The following KCNIP4 variants were observed in gnomAD, a reference collection of about 807,000 sequenced individuals.
KCNIP4 encodes the protein Kv channel-interacting protein 4.
Under a neutral mutation model 34.0 loss-of-function variants are expected in KCNIP4, and 12 were observed. The ratio of observed to expected loss-of-function variants is 0.35; its 90% confidence interval spans 0.23 to 0.57. The LOEUF (loss-of-function observed/expected upper bound fraction) is 0.57. KCNIP4 is among the 20% of genes least tolerant of loss of function. The probability of loss-of-function intolerance (pLI) is 0.83; values close to 1 mark genes in which losing one functional copy is unlikely to be tolerated. For synonymous variants in KCNIP4, 124 were observed against 102.2 expected (o/e 1.21, Z -1.29); for missense variants, 238 against 311.7 (o/e 0.76, Z 1.78).
chr4:20,751,800 A>G (rs1241569889), intron 4 of KCNIP4, among the ~76,000 whole-genome samples: 7 of 152,196 alleles, frequency 4.6e-5, no homozygotes, highest in Non-Finnish European at 1.0e-4. Context: ...CAAGGTTTAC[A>G]CTAATGTGGT....
chr4:21,338,282 A>T (rs1716384714), intron 1 of KCNIP4, among the ~76,000 whole-genome samples: 1 of 150,032 alleles, frequency 6.7e-6, no homozygotes, highest in Non-Finnish European at 1.5e-5. Flanking sequence ...AAAAAAAAAA[A>T]AAAAAGACTT....
intron 1 of KCNIP4, among the ~76,000 whole-genome samples, chr4:21,687,223 G>A (rs916960086): frequency 1.8e-4 from 27 of 146,468 alleles, no homozygotes; most frequent in African/African-American, 6.0e-4. Context: ...AATGCTAGAT[G>A]ACGCGTTAGT....
chr4:20,750,863 CTATTTTA>C (rs1753484535), intron 4 of KCNIP4, among the ~76,000 whole-genome samples: 1 of 152,100 alleles, frequency 6.6e-6, no homozygotes, highest in African/African-American at 2.4e-5. Context: ...TCATCTATTT[CTATTTTA>C]TAACTTTTAA....
At chr4:21,136,318 T>C (rs1407048551) in intron 1 of KCNIP4, among the ~76,000 whole-genome samples, 4 of 152,202 alleles carry the variant, frequency 2.6e-5, no homozygotes, top group Admixed American at 2.6e-4. Context: ...AAGCGAGTAA[T>C]CTTTCTGGAG....
At chr4:21,039,661 A>G (rs577559310) in intron 1 of KCNIP4, among the ~76,000 whole-genome samples, 142 of 152,316 alleles carry the variant, frequency 9.3e-4, no homozygotes, top group African/African-American at 3.3e-3. Flanking sequence ...GCAGAGTGAC[A>G]TTCAATTGCT....
At chr4:21,679,582 C>T (rs548948821) in intron 1 of KCNIP4, among the ~76,000 whole-genome samples, 30 of 152,332 alleles carry the variant, frequency 2.0e-4, no homozygotes, top group Admixed American at 3.9e-4. Flanking sequence ...ACACTCTGTG[C>T]TCTTTCTCTT....
chr4:21,782,178 C>T (rs1282111336), intron 1 of KCNIP4, among the ~76,000 whole-genome samples: 1 of 152,062 alleles, frequency 6.6e-6, no homozygotes, highest in Non-Finnish European at 1.5e-5. Flanking sequence ...TGAAAAAACA[C>T]GACCTAACTA....
chr4:21,933,614 G>A (rs563148631), intron 1 of KCNIP4, among the ~76,000 whole-genome samples: 1 of 152,042 alleles, frequency 6.6e-6, no homozygotes, highest in Non-Finnish European at 1.5e-5. Flanking sequence ...TGTGAGGACA[G>A]GGAAGGTATC....
intron 1 of KCNIP4, among the ~76,000 whole-genome samples, chr4:21,899,599 T>C (rs1727594205): frequency 1.3e-5 from 2 of 151,982 alleles, no homozygotes; most frequent in South Asian, 4.2e-4. Context: ...AGTTGCAGGA[T>C]ACAAAATTAA....
chr4:21,733,101 T>C (rs1363754152), intron 1 of KCNIP4, among the ~76,000 whole-genome samples: 1 of 152,182 alleles, frequency 6.6e-6, no homozygotes, highest in Non-Finnish European at 1.5e-5. Context: ...AGACTTTCCT[T>C]GGGCACTCAT....
chr4:21,735,631 T>C (rs1315991530), intron 1 of KCNIP4, among the ~76,000 whole-genome samples: 2 of 152,084 alleles, frequency 1.3e-5, no homozygotes, highest in East Asian at 1.9e-4. Flanking sequence ...TTGTTTTTGT[T>C]TTCTACGAGA....
chr4:21,451,510 T>G (rs779148797), intron 1 of KCNIP4, among the ~76,000 whole-genome samples: 2 of 152,164 alleles, frequency 1.3e-5, no homozygotes, highest in African/African-American at 4.8e-5. Flanking sequence ...ATTTGTAAAA[T>G]AGAAATGAAA....
intron 2 of KCNIP4, among the ~76,000 whole-genome samples, chr4:20,860,913 A>G (rs1722133372): frequency 6.6e-6 from 1 of 152,200 alleles, no homozygotes; most frequent in Non-Finnish European, 1.5e-5. Flanking sequence ...GAAGATTTCC[A>G]AAGCGAATTT....
intron 2 of KCNIP4, among the ~76,000 whole-genome samples, chr4:20,858,498 G>A (rs1053350248): frequency 1.3e-5 from 2 of 152,164 alleles, no homozygotes; most frequent in Admixed American, 6.5e-5. Context: ...TTTGCACAAT[G>A]AGTGCTGGGC....
At chr4:21,437,880 AGTGTGTGTGTGTGT>A (rs71655635) in intron 1 of KCNIP4, among the ~76,000 whole-genome samples, 73 of 143,356 alleles carry the variant, frequency 5.1e-4, no homozygotes, top group African/African-American at 1.1e-3. Context: ...TTATTTTACA[AGTGTGTGTGTGTGT>A]GTGTGTGTGT....
At chr4:21,935,604 A>G (rs1729816466) in intron 1 of KCNIP4, among the ~76,000 whole-genome samples, 1 of 151,944 alleles carries the variant, frequency 6.6e-6, no homozygotes, top group Non-Finnish European at 1.5e-5. Context: ...GTTCCCTTCT[A>G]CACTAGAGGA....
intron 1 of KCNIP4, among the ~76,000 whole-genome samples, chr4:21,752,018 C>A (rs898702913): frequency 2.0e-5 from 3 of 152,168 alleles, no homozygotes; most frequent in African/African-American, 7.2e-5. Context: ...TCAGCGCTGC[C>A]TTTTCCAGCT....
At chr4:21,860,394 A>G (rs1725003667) in intron 1 of KCNIP4, among the ~76,000 whole-genome samples, 1 of 152,176 alleles carries the variant, frequency 6.6e-6, no homozygotes, top group Non-Finnish European at 1.5e-5. Context: ...TCAGCCTCCC[A>G]AAGTGCTGGG....
At chr4:21,846,175 A>G (rs1413668893) in intron 1 of KCNIP4, 1 of 152,230 alleles carries the variant, frequency 6.6e-6, no homozygotes, top group Non-Finnish European at 1.5e-5. Context: ...CTTGTCCATG[A>G]CACTGGGATG....
Sources: gnomAD v4.1 joint callset for allele counts (sites outside exome capture counted in the v4.1 genomes callset) on GRCh38, gnomAD v4.1.1 for gene constraint, MANE v1.5 for transcripts, NCBI Gene and HGNC (gene_info 2026-07-23, HGNC 2026-07-21) for gene names.